DNAH14: variants seen among roughly 807,000 people sequenced by gnomAD.
The protein encoded by DNAH14 is axonemal beta dynein heavy chain 14.
A neutral mutation model predicts 520.9 loss-of-function variants in DNAH14; 478 were observed. The observed-to-expected ratio is 0.92, with a 90% CI of 0.85 to 0.99. DNAH14 has a LOEUF of 0.99. Ranked by LOEUF, DNAH14 falls within the 50% of genes least tolerant of loss-of-function variation. DNAH14 has a pLI of 0.00. For synonymous variants in DNAH14, 1,581 were observed against 1,757.2 expected (o/e 0.90, Z 2.51); for missense variants, 4,831 against 5,234.5 (o/e 0.92, Z 2.38).
At chr1:224,990,224 A>G (rs1488250569) in intron 8 of DNAH14, among the ~76,000 whole-genome samples, 1 of 152,196 alleles carries the variant, frequency 6.6e-6, no homozygotes, top group Non-Finnish European at 1.5e-5. Flanking sequence ...TTTATGGGAT[A>G]CACAATGATG....
At chr1:225,288,419 G>A (rs377736197) in intron 54 of DNAH14, among the ~76,000 whole-genome samples, 5 of 152,064 alleles carry the variant, frequency 3.3e-5, no homozygotes, top group East Asian at 1.9e-4. Flanking sequence ...AAGAAATTCC[G>A]AAGGAGAGAA....
chr1:224,956,941 G>A (rs1356296586), intron 3 of DNAH14, among the ~76,000 whole-genome samples: 1 of 152,122 alleles, frequency 6.6e-6, no homozygotes, highest in Non-Finnish European at 1.5e-5. Flanking sequence ...AGGCTAGATA[G>A]GGATACAAGT....
chr1:224,966,083 A>G (rs1356410052), intron 5 of DNAH14, among the ~76,000 whole-genome samples: 3 of 152,286 alleles, frequency 2.0e-5, no homozygotes, highest in South Asian at 2.1e-4. Context: ...TAGAATATAG[A>G]TAACTCAAAT....
chr1:225,155,961 T>C (rs1208959418), intron 34 of DNAH14, among the ~76,000 whole-genome samples: 1 of 152,154 alleles, frequency 6.6e-6, no homozygotes, highest in Non-Finnish European at 1.5e-5. Flanking sequence ...CAATTTTGCT[T>C]TTTAAAAGTT....
In DNAH14 at chr1:225,097,103, T is replaced by C. The variant is rs1346426060; in HGVS notation, c.3574-15T>C. On this transcript the variant is annotated splice_polypyrimidine_tract_variant and intron_variant, in intron 21 of 85. Transcript: ENST00000682510. ...ATATTTAGATTTGTATGTGTATATG[T>C]TTTTATCATTGTAGGATCTTGTGAA... 3 of 1,535,228 alleles carry C rather than the reference T, an allele frequency of 2.0e-6. No individual in the cohort carries two copies. In the African/African-American group the frequency reaches 4.1e-5, roughly 21 times the overall value.
chr1:225,218,482 C>T (rs184710924), intron 41 of DNAH14, among the ~76,000 whole-genome samples: 3 of 128,938 alleles, frequency 2.3e-5, no homozygotes, highest in African/African-American at 8.6e-5. Flanking sequence ...CAAATGGAAA[C>T]CAAAAAAAAA....
chr1:225,101,853 C>CCTTTCTTT (rs2075497356), intron 23 of DNAH14, among the ~76,000 whole-genome samples: 1 of 151,150 alleles, frequency 6.6e-6, no homozygotes, highest in East Asian at 1.9e-4. Flanking sequence ...ATACTGATTT[C>CCTTTCTTT]CTTTCTTTTG....
chr1:225,100,252 A>G (rs1332623788), intron 22 of DNAH14, among the ~76,000 whole-genome samples: 2 of 152,040 alleles, frequency 1.3e-5, no homozygotes, highest in Non-Finnish European at 2.9e-5. Flanking sequence ...TTTTATACAT[A>G]CCTCTGTATT....
chr1:225,174,251 TAAAGTA>T (rs2083060716), intron 36 of DNAH14, among the ~76,000 whole-genome samples: 1 of 151,152 alleles, frequency 6.6e-6, no homozygotes, highest in Non-Finnish European at 1.5e-5. Flanking sequence ...CCCTAAAACT[TAAAGTA>T]TAATAAATTT....
intron 21 of DNAH14, among the ~76,000 whole-genome samples, chr1:225,095,488 G>A (rs1220883312): frequency 6.6e-6 from 1 of 152,102 alleles, no homozygotes; most frequent in East Asian, 1.9e-4. Context: ...ACAGACACCG[G>A]GGCGTACTTG....
chr1:225,253,927 A>C (rs976655347), intron 44 of DNAH14, among the ~76,000 whole-genome samples: 1 of 152,156 alleles, frequency 6.6e-6, no homozygotes, highest in Non-Finnish European at 1.5e-5. Context: ...TAGGCACTTC[A>C]TCATCCAGCT....
In DNAH14 at chr1:225,364,930, A is replaced by G. The variant is rs1389422470; in HGVS notation, c.12090+36A>G. On this transcript the variant is annotated intron_variant, in intron 76 of 85. Transcript: ENST00000682510. ...AGTATAACAGATTTAATGTTGACTGAGGAGCCCTGTTTGAATGCAAGTCAT... is the reference window on the plus strand; with the variant it reads ...AGTATAACAGATTTAATGTTGACTGGGGAGCCCTGTTTGAATGCAAGTCAT... 4 of 1,416,560 alleles carry G rather than the reference A, an allele frequency of 2.8e-6. No individual in the cohort carries two copies. The South Asian group carries it at 3.9e-5, about 14-fold the overall frequency. 87.7% of individuals were successfully genotyped at this position (1,416,560 alleles called of 1,614,324 possible). A position where few individuals can be genotyped will look rare whatever the true frequency, so the allele number is the denominator to read the frequency against.
chr1:225,099,936 G>A (rs2148718562), intron 22 of DNAH14, among the ~76,000 whole-genome samples: 1 of 151,444 alleles, frequency 6.6e-6, no homozygotes, highest in African/African-American at 2.4e-5. Flanking sequence ...GCCAAGAGGA[G>A]TTTGAATCAG....
intron 1 of DNAH14, among the ~76,000 whole-genome samples, chr1:224,941,263 T>A (rs988968602): frequency 2.0e-5 from 3 of 152,200 alleles, no homozygotes; most frequent in African/African-American, 7.2e-5. Context: ...ATTTCTCTGA[T>A]GGCCAGTGAT....
chr1:225,390,363 C>T (rs140714414), intron 83 of DNAH14, among the ~76,000 whole-genome samples: 32 of 152,182 alleles, frequency 2.1e-4, no homozygotes, highest in African/African-American at 6.0e-4. Context: ...TGCATTCCAA[C>T]GATGCGTGGT....
chr1:225,274,205 T>TTTTTTG (rs2093400365), intron 52 of DNAH14, among the ~76,000 whole-genome samples: 1 of 118,910 alleles, frequency 8.4e-6, no homozygotes, highest in Non-Finnish European at 1.7e-5. Context: ...TTATTTTTTT[T>TTTTTTG]TTTTTTTTTT....
chr1:225,064,997 ACCACAGTTT>A (rs2070682545), intron 17 of DNAH14, among the ~76,000 whole-genome samples: 1 of 152,022 alleles, frequency 6.6e-6, no homozygotes, highest in Admixed American at 6.6e-5. Flanking sequence ...CCCTGTCTGT[ACCACAGTTT>A]CCTCAAAGGT....
At chr1:225,130,675 TG>T in intron 27 of DNAH14, among the ~76,000 whole-genome samples, 1 of 53,812 alleles carries the variant, frequency 1.9e-5, no homozygotes, top group South Asian at 8.0e-4. Flanking sequence ...TGTTGTGGGG[TG>T]GGGGGAGGGG....
At chr1:225,285,239 G>A (rs1004617007) in intron 54 of DNAH14, among the ~76,000 whole-genome samples, 2 of 152,142 alleles carry the variant, frequency 1.3e-5, no homozygotes, top group Admixed American at 1.3e-4. Flanking sequence ...AAAATCCTAA[G>A]GACAAGCAAC....
Sources: gnomAD v4.1 joint callset for allele counts (sites outside exome capture counted in the v4.1 genomes callset) on GRCh38, gnomAD v4.1.1 for gene constraint, MANE v1.5 for transcripts, NCBI Gene and HGNC (gene_info 2026-07-23, HGNC 2026-07-21) for gene names.